Variants in PRRC2B observed in about 807,000 individuals in gnomAD.
The protein encoded by PRRC2B is proline rich coiled-coil 2B, also known as protein PRRC2B.
Under a neutral mutation model 242.3 loss-of-function variants are expected in PRRC2B, and 68 were observed. That is an observed-to-expected ratio of 0.28 (90% confidence interval 0.23 to 0.34). The LOEUF is 0.34. PRRC2B is among the 10% of genes least tolerant of loss of function. The pLI, the probability that PRRC2B is intolerant of heterozygous loss-of-function variation, is 1.00. For synonymous variants in PRRC2B, 1,228 were observed against 1,173.6 expected, an observed-to-expected ratio of 1.05 and a Z score of -0.95; for missense variants, 2,835 against 2,954.8, an observed-to-expected ratio of 0.96 and a Z score of 0.94.
chr9:131,464,044 C>A (rs942293205), intron 11 of PRRC2B, among the ~76,000 whole-genome samples: 1 of 151,790 alleles, frequency 6.6e-6, no homozygotes, highest in Non-Finnish European at 1.5e-5. Context: ...CAGGTTCAAG[C>A]GATTCTCCTG....
intron 28 of PRRC2B, among the ~76,000 whole-genome samples, chr9:131,490,291 A>T (rs1285242272): frequency 1.3e-5 from 2 of 150,948 alleles, no homozygotes; most frequent in Admixed American, 6.6e-5. Flanking sequence ...TTCAGAATCC[A>T]GCTGTGTCTC....
chr9:131,416,088 C>A (rs560288056), intron 1 of PRRC2B, among the ~76,000 whole-genome samples: 1 of 151,568 alleles, frequency 6.6e-6, no homozygotes, highest in African/African-American at 2.4e-5. Flanking sequence ...CTTGCTCTTC[C>A]ACCTCTTCTT....
At position 131,488,021 on chromosome 9, in the gene PRRC2B, C is replaced by T. The variant is rs1240204959; in HGVS notation, c.6150C>T (p.Ala2050=). The T allele has an allele frequency of 4.3e-6, 7 of 1,612,428 alleles. No individual in the cohort carries two copies. Among genetic ancestry groups the T allele is most frequent in the Non-Finnish European group, 5.9e-6 (7 of 1,179,298 alleles). Residue 2050 remains alanine (A), a synonymous_variant, in exon 28 of 32, where the codon GCC becomes GCT. Transcript: ENST00000683519. ...ACCAGCCCATGAGCGGGAACCAAGC[C>T]CTGGTCTACGAGGGCCAGCTCAGCC... ...SPYQPMSGNQ[A]LVYEGQLSQA... is the part of the protein sequence containing the mutation.
At chr9:131,415,883 G>C (rs75055012) in intron 1 of PRRC2B, among the ~76,000 whole-genome samples, 22,370 of 151,958 alleles carry the variant, frequency 0.15, 1,842 homozygotes, top group Admixed American at 0.19. Context: ...TGAAGTCTCG[G>C]CTACTTGGCT....
Position 131,484,766 on chromosome 9 carries a change from C to A in PRRC2B, c.5541C>A (p.Phe1847Leu), listed in dbSNP as rs1443205680. Reference sequence around the variant, plus strand: ...CCATCGGTCTCTCCCCAATGTCCTTCCCCACCGCCGACCTTACTCTGAAGG... The same window carrying A: ...CCATCGGTCTCTCCCCAATGTCCTTACCCACCGCCGACCTTACTCTGAAGG... Reference protein sequence around the residue: ...QRAIGLSPMSFPTADLTLKME... With the variant: ...QRAIGLSPMSLPTADLTLKME... Residue 1847 changes from phenylalanine (F) to leucine (L), a missense_variant, in exon 24 of 32, where the codon TTC becomes TTA. By Grantham distance (22) the Phe-to-Leu change is conservative (BLOSUM62 0). Coordinates refer to ENST00000683519, the MANE Select transcript of PRRC2B (RefSeq NM_013318.4). The A allele has an allele frequency of 6.2e-7, 1 of 1,611,896 alleles. No homozygotes were observed. Among genetic ancestry groups the A allele is most frequent in the Non-Finnish European group, 8.5e-7 (1 of 1,178,668 alleles).
At chr9:131,440,718 A>G (rs533036679) in intron 5 of PRRC2B, among the ~76,000 whole-genome samples, 1 of 152,344 alleles carries the variant, frequency 6.6e-6, no homozygotes, top group African/African-American at 2.4e-5. Flanking sequence ...TGATTTGGCT[A>G]TAAAGAAAAA....
At chr9:131,407,975 G>C (rs1163767969) in intron 1 of PRRC2B, among the ~76,000 whole-genome samples, 2 of 152,212 alleles carry the variant, frequency 1.3e-5, no homozygotes, top group Non-Finnish European at 2.9e-5. Flanking sequence ...CCGGGGTAAC[G>C]GGAGGCATTG....
In PRRC2B at chr9:131,474,692, T is replaced by C. The variant is rs768271917; in HGVS notation, c.2563T>C (p.Leu855=). 15 of 1,613,120 alleles carry C rather than the reference T, an allele frequency of 9.3e-6. No homozygotes were observed. The highest frequency in any genetic ancestry group is 2.2e-5 in the East Asian group (1 of 44,866). The change falls in exon 16 of 32, where the codon TTG becomes CTG. Residue 855 remains leucine (L), a synonymous_variant. Coordinates refer to ENST00000683519, the MANE Select transcript of PRRC2B (RefSeq NM_013318.4). Reference sequence around the variant, plus strand: ...CACCCAAAACCTCAGGTGTTCCCCATTGGAGCCTGACTTTGTCCCAGATGA... The same window carrying C: ...CACCCAAAACCTCAGGTGTTCCCCACTGGAGCCTGACTTTGTCCCAGATGA... ...GHTQNLRCSP[L]EPDFVPDEKK...
upstream of PRRC2B, among the ~76,000 whole-genome samples, chr9:131,391,750 T>C (rs143657793): frequency 0.013 from 1,968 of 152,228 alleles, 24 homozygotes; most frequent in African/African-American, 0.014. Flanking sequence ...CCTCCTATCA[T>C]TTTGTTTTGA....
At chr9:131,414,976 T>C (rs769028898) in intron 1 of PRRC2B, among the ~76,000 whole-genome samples, 5 of 152,206 alleles carry the variant, frequency 3.3e-5, no homozygotes, top group Non-Finnish European at 7.3e-5. Context: ...AATTTGGACA[T>C]AATGACAGCA....
chr9:131,383,667 G>A (rs1396222800), intron 1 of PRRC2B, among the ~76,000 whole-genome samples: 1 of 148,030 alleles, frequency 6.8e-6, no homozygotes, highest in Non-Finnish European at 1.5e-5. Context: ...AGTGGCCCAG[G>A]ATGGAGTGCA....
At chr9:131,374,151 T>G (rs1253442703) in intron 1 of PRRC2B, among the ~76,000 whole-genome samples, 1 of 151,810 alleles carries the variant, frequency 6.6e-6, no homozygotes, top group Non-Finnish European at 1.5e-5. Flanking sequence ...TCATTACACA[T>G]TGTATGCATG....
chr9:131,439,176 C>A, intron 5 of PRRC2B, 115 bp downstream of exon 5: 1 of 812,780 alleles, frequency 1.2e-6, no homozygotes, highest in Non-Finnish European at 2.1e-6. Flanking sequence ...CTCTCTTCCA[C>A]AAAGAGGTAC....
chr9:131,392,490 G>A (rs775486005), upstream of PRRC2B, among the ~76,000 whole-genome samples: 1 of 151,978 alleles, frequency 6.6e-6, no homozygotes, highest in Non-Finnish European at 1.5e-5. Flanking sequence ...GCTGGGTTTT[G>A]AGCACTGGGC....
chr9:131,442,152 A>G (rs1838613250), intron 5 of PRRC2B, among the ~76,000 whole-genome samples: 1 of 148,536 alleles, frequency 6.7e-6, no homozygotes, highest in Non-Finnish European at 1.5e-5. Flanking sequence ...GTTTTTTTTT[A>G]GGCAGGGTTT....
At chr9:131,377,532 C>T (rs773037600) in intron 1 of PRRC2B, among the ~76,000 whole-genome samples, 2 of 151,390 alleles carry the variant, frequency 1.3e-5, no homozygotes, top group Non-Finnish European at 2.9e-5. Flanking sequence ...TGTGTGATGG[C>T]ATTTAAATGT....
intron 28 of PRRC2B, 162 bp from the exon 29 acceptor site, chr9:131,491,263 C>T: frequency 1.4e-6 from 1 of 708,670 alleles, no homozygotes; most frequent in Non-Finnish European, 2.3e-6. Context: ...GCGATCTCTC[C>T]TGTGCTGCAG....
At chr9:131,466,822 G>A (rs1041870361) in intron 12 of PRRC2B, among the ~76,000 whole-genome samples, 12 of 148,914 alleles carry the variant, frequency 8.1e-5, no homozygotes, top group African/African-American at 3.0e-4. Context: ...TTTTTTTGGA[G>A]ACGGATTCTC....
intron 4 of PRRC2B, among the ~76,000 whole-genome samples, chr9:131,437,029 C>G (rs1838396817): frequency 6.6e-6 from 1 of 152,128 alleles, no homozygotes; most frequent in Non-Finnish European, 1.5e-5. Flanking sequence ...CAGACTAGTT[C>G]AGGGTGAAGC....
Sources: gnomAD v4.1 joint callset for allele counts (sites outside exome capture counted in the v4.1 genomes callset) on GRCh38, gnomAD v4.1.1 for gene constraint, MANE v1.5 for transcripts, NCBI Gene and HGNC (gene_info 2026-07-23, HGNC 2026-07-21) for gene names.